The following NAV1 variants were observed in gnomAD, a reference collection of about 807,000 sequenced individuals.
The protein encoded by NAV1 is pore membrane and/or filament interacting like protein 3.
NAV1 carries 18 observed loss-of-function variants against 175.2 expected under a neutral mutation model. That is an observed-to-expected ratio of 0.10 (90% CI 0.07 to 0.15). The LOEUF (loss-of-function observed/expected upper bound fraction) is 0.15, where lower values mean the gene tolerates loss of function less well. Among genes scored for constraint, NAV1 ranks in the 10% least tolerant of loss-of-function variants. The pLI is 1.00. For synonymous variants in NAV1, 897 were observed against 978.7 expected (o/e 0.92, Z 1.56); for missense variants, 1,731 against 2,436.6 (o/e 0.71, Z 6.10).
intron 28 of NAV1, among the ~76,000 whole-genome samples, chr1:201,815,267 G>A (rs1200670633): frequency 6.6e-6 from 1 of 152,052 alleles, no homozygotes; most frequent in African/African-American, 2.4e-5. Context: ...AGCCAGGCAT[G>A]ATGATGCATG....
At chr1:201,630,119 G>A (rs1281402891) in intron 2 of NAV1, among the ~76,000 whole-genome samples, 2 of 152,202 alleles carry the variant, frequency 1.3e-5, no homozygotes, top group Non-Finnish European at 2.9e-5. Flanking sequence ...AATGATGCAT[G>A]GATGAGTGAG....
intron 1 of NAV1, among the ~76,000 whole-genome samples, chr1:201,567,379 C>T (rs1003386262): frequency 2.6e-5 from 4 of 152,152 alleles, no homozygotes; most frequent in Non-Finnish European, 5.9e-5. Flanking sequence ...GGTTGGAGCC[C>T]GCGCTGTAGG....
intron 1 of NAV1, among the ~76,000 whole-genome samples, chr1:201,543,746 T>C (rs1241057982): frequency 6.6e-6 from 1 of 152,232 alleles, no homozygotes; most frequent in Non-Finnish European, 1.5e-5. Flanking sequence ...CATTGTTGTA[T>C]AACCATCACC....
chr1:201,791,465 C>T (rs16849361), intron 13 of NAV1: 3,587 of 143,668 alleles, frequency 0.025, 110 homozygotes, highest in Admixed American at 0.093. Flanking sequence ...TCTAACCAGG[C>T]TGTGGTACTT....
At chr1:201,664,590 A>T (rs1367419664) in intron 1 of NAV1, among the ~76,000 whole-genome samples, 2 of 152,194 alleles carry the variant, frequency 1.3e-5, no homozygotes, top group Admixed American at 6.5e-5. Context: ...TACCCACTCC[A>T]CTATGTGGGT....
intron 10 of NAV1, among the ~76,000 whole-genome samples, chr1:201,789,401 C>T (rs1227931227): frequency 6.6e-6 from 1 of 152,192 alleles, no homozygotes; most frequent in Non-Finnish European, 1.5e-5. Flanking sequence ...ACTCCCCTCT[C>T]CTGCGGCTAA....
At chr1:201,645,662 C>T (rs1009431927), upstream of NAV1, among the ~76,000 whole-genome samples, 5 of 147,692 alleles carry the variant, frequency 3.4e-5, no homozygotes, top group South Asian at 2.1e-4. Context: ...AGGTTTTGCT[C>T]ACAGCAGAAT....
rs1678648489 is a variant in NAV1 at position 201,810,818 on chromosome 1, C to A, written c.4797+60C>A. ...TCATGCCTCAGCCTTCCCTAAGACCCTTCCTCGGCCCCTTCCTGCCTCATT... is the reference window on the plus strand; with the variant it reads ...TCATGCCTCAGCCTTCCCTAAGACCATTCCTCGGCCCCTTCCTGCCTCATT... On this transcript the variant is annotated intron_variant, in intron 24 of 29. Coordinates refer to ENST00000367296, the Ensembl canonical transcript of NAV1. The surrounding 1 kb of genome is among the most constrained non-coding windows in gnomAD (Gnocchi z 6.0). 7.7e-7 allele frequency: 1 copy of A among 1,298,436 alleles called. No homozygotes were observed. Among genetic ancestry groups the A allele is most frequent in the South Asian group, 1.3e-5 (1 of 78,208 alleles). The allele number at this position is 1,298,436 out of a possible 1,614,324, so 80.4% of individuals were successfully genotyped here.
intron 1 of NAV1, among the ~76,000 whole-genome samples, chr1:201,661,350 G>C (rs892716216): frequency 1.3e-5 from 2 of 152,036 alleles, no homozygotes; most frequent in African/African-American, 2.4e-5. Flanking sequence ...GTCTAGTGTA[G>C]GAAGCAGACC....
intron 3 of NAV1, among the ~76,000 whole-genome samples, chr1:201,742,679 G>A (rs980285956): frequency 1.3e-5 from 2 of 152,094 alleles, no homozygotes; most frequent in Non-Finnish European, 2.9e-5. Context: ...CGCTCACTAC[G>A]GTTGCCTCAC....
intron 2 of NAV1, among the ~76,000 whole-genome samples, chr1:201,613,972 T>C (rs1415853834): frequency 2.7e-5 from 4 of 148,102 alleles, no homozygotes; most frequent in Non-Finnish European, 5.9e-5. Context: ...AGTAATTTGC[T>C]CAGGACCACA....
intron 29 of NAV1, among the ~76,000 whole-genome samples, chr1:201,819,347 CAT>C (rs1470921446): frequency 6.6e-6 from 1 of 152,100 alleles, no homozygotes; most frequent in Admixed American, 6.5e-5. Flanking sequence ...TGTACATACA[CAT>C]GTGTCACAGT....
intron 1 of NAV1, among the ~76,000 whole-genome samples, chr1:201,691,130 A>G (rs754171941): frequency 3.9e-5 from 6 of 152,164 alleles, no homozygotes; most frequent in Non-Finnish European, 5.9e-5. Context: ...TTTGCTATAG[A>G]GGGCTGTCCT....
chr1:201,656,345 C>A (rs1669401863), intron 1 of NAV1, among the ~76,000 whole-genome samples: 1 of 152,218 alleles, frequency 6.6e-6, no homozygotes. Flanking sequence ...CAGTCCCAAG[C>A]CCCAGTATGC....
At chr1:201,588,479 C>G (rs909016063) in intron 1 of NAV1, among the ~76,000 whole-genome samples, 60 bp from the exon 2 acceptor site, 1 of 151,910 alleles carries the variant, frequency 6.6e-6, no homozygotes, top group South Asian at 2.1e-4. Flanking sequence ...TCCTGAGTAG[C>G]TAGGACTACA....
Position 201,788,407 on chromosome 1 carries a change from C to A in NAV1, c.2996-61C>A. The A allele has an allele frequency of 1.9e-6, 3 of 1,585,304 alleles. No homozygotes were observed. Among genetic ancestry groups the A allele is most frequent in the African/African-American group, 1.3e-5 (1 of 74,478 alleles). On this transcript the variant is annotated intron_variant, in intron 9 of 29. Coordinates refer to ENST00000367296, the Ensembl canonical transcript of NAV1. The surrounding 1 kb of genome is among the most constrained non-coding windows in gnomAD (Gnocchi z 5.7). The stretch of plus-strand genomic sequence containing the variant: ...CCCCAAGGGCCCGGAGAGCTGATGA[C>A]CCTGCCTCTTTTCCTGCCCTCCTGC...
chr1:201,739,716 G>C (rs1461980807), intron 3 of NAV1: 1 of 1,078,408 alleles, frequency 9.3e-7, no homozygotes, highest in African/African-American at 1.6e-5. Flanking sequence ...AACGGAGGAG[G>C]CTTCGGTGGC....
At chr1:201,684,425 G>A (rs575924288) in intron 1 of NAV1, among the ~76,000 whole-genome samples, 5 of 150,872 alleles carry the variant, frequency 3.3e-5, no homozygotes, top group Admixed American at 6.6e-5. Context: ...TGTCTGCAAC[G>A]CTAACCTAAT....
At chr1:201,658,539 C>CTCT (rs1466036920) in intron 1 of NAV1, among the ~76,000 whole-genome samples, 1 of 151,980 alleles carries the variant, frequency 6.6e-6, no homozygotes, top group East Asian at 1.9e-4. Context: ...TCCTGTCTGG[C>CTCT]TTAGAGAGAT....
Sources: allele counts gnomAD v4.1 joint callset (sites outside exome capture counted in the v4.1 genomes callset), GRCh38; gene constraint gnomAD v4.1.1; non-coding constraint Gnocchi (gnomAD v3.1); transcripts MANE v1.5; gene names NCBI Gene and HGNC (gene_info 2026-07-23, HGNC 2026-07-21).